SLC24A2: variants seen among roughly 807,000 people sequenced by gnomAD.
SLC24A2 encodes sodium/potassium/calcium exchanger 2.
In SLC24A2, 36 loss-of-function variants were observed where a neutral mutation model predicts 62.0. That is an observed-to-expected ratio of 0.58 (90% CI 0.44 to 0.77). The LOEUF (loss-of-function observed/expected upper bound fraction) is 0.77. Ranked by LOEUF, SLC24A2 falls within the 30% of genes least tolerant of loss-of-function variation. The probability of loss-of-function intolerance (pLI) is 0.00; values close to 1 mark genes in which losing one functional copy is unlikely to be tolerated. For missense variants in SLC24A2, 846 were observed against 817.9 expected (o/e 1.03, Z -0.42); for synonymous variants, 358 against 294.0 (o/e 1.22, Z -2.23).
chr9:20,076,880 T>TATATATATATATATATATATAC, the SLC24A2 span, among the ~76,000 whole-genome samples: 10 of 120,550 alleles, frequency 8.3e-5, no homozygotes, highest in African/African-American at 3.2e-4. Flanking sequence ...TATATATATA[T>TATATATATATATATATATATAC]ACATATCATA....
the SLC24A2 span, among the ~76,000 whole-genome samples, chr9:19,955,511 T>C: frequency 2.0e-4 from 31 of 152,104 alleles, no homozygotes; most frequent in Non-Finnish European, 4.4e-4. Context: ...AAGATCTCTC[T>C]ATGGAAAGGT....
At chr9:19,653,335 C>T (rs1345902585) in intron 2 of SLC24A2, among the ~76,000 whole-genome samples, 3 of 152,216 alleles carry the variant, frequency 2.0e-5, no homozygotes, top group Non-Finnish European at 2.9e-5. Context: ...AGTAGTAAGA[C>T]TGTCTTTTCC....
At chr9:19,878,986 T>C in the SLC24A2 span, among the ~76,000 whole-genome samples, 19 of 152,316 alleles carry the variant, frequency 1.2e-4, no homozygotes, top group African/African-American at 4.3e-4. Flanking sequence ...GTTGGACTTC[T>C]CTTTGGAGAC....
the SLC24A2 span, among the ~76,000 whole-genome samples, chr9:20,203,486 T>A: frequency 6.6e-6 from 1 of 152,318 alleles, no homozygotes; most frequent in East Asian, 1.9e-4. Flanking sequence ...AGGACTTGCA[T>A]GCATCAGAGG....
chr9:19,998,209 C>T, the SLC24A2 span, among the ~76,000 whole-genome samples: 2 of 152,220 alleles, frequency 1.3e-5, no homozygotes, highest in East Asian at 3.9e-4. Flanking sequence ...TTAGACATGG[C>T]AGGGCTAGGA....
intron 5 of SLC24A2, among the ~76,000 whole-genome samples, chr9:19,593,097 A>G (rs980052303): frequency 1.7e-4 from 26 of 152,244 alleles, no homozygotes; most frequent in African/African-American, 5.8e-4. Flanking sequence ...ACACATGAAC[A>G]TGGCAGTGGA....
chr9:20,306,377 T>G, the SLC24A2 span, among the ~76,000 whole-genome samples: 1 of 152,234 alleles, frequency 6.6e-6, no homozygotes, highest in African/African-American at 2.4e-5. Context: ...AGCAATTGAT[T>G]TGTCTCTACC....
At chr9:19,636,281 CT>C (rs768881798) in intron 2 of SLC24A2, among the ~76,000 whole-genome samples, 1 of 74,092 alleles carries the variant, frequency 1.3e-5, no homozygotes, top group East Asian at 2.9e-4. Context: ...TTCTTCTCTT[CT>C]TCTCTTCTTT....
chr9:19,988,675 G>C, the SLC24A2 span, among the ~76,000 whole-genome samples: 1 of 152,278 alleles, frequency 6.6e-6, no homozygotes, highest in South Asian at 2.1e-4. Context: ...GAAGGGACAG[G>C]GAATAGGCAA....
At chr9:19,888,367 T>C in the SLC24A2 span, among the ~76,000 whole-genome samples, 1 of 152,204 alleles carries the variant, frequency 6.6e-6, no homozygotes, top group African/African-American at 2.4e-5. Context: ...CTTTCTCTAA[T>C]TTTCTGACCC....
chr9:20,236,938 A>T, the SLC24A2 span, among the ~76,000 whole-genome samples: 2 of 151,978 alleles, frequency 1.3e-5, no homozygotes, highest in African/African-American at 2.4e-5. Flanking sequence ...TGGTTACAGC[A>T]AAACGTGACC....
At chr9:19,696,966 A>G (rs937000964) in intron 2 of SLC24A2, among the ~76,000 whole-genome samples, 1 of 152,304 alleles carries the variant, frequency 6.6e-6, no homozygotes. Flanking sequence ...ATAGATCCCA[A>G]TACATCATAT....
the SLC24A2 span, among the ~76,000 whole-genome samples, chr9:20,172,992 G>C: frequency 6.6e-6 from 1 of 152,070 alleles, no homozygotes; most frequent in Admixed American, 6.6e-5. Flanking sequence ...CCACGATCAA[G>C]TGGGTTTCAT....
At chr9:19,898,224 G>T in the SLC24A2 span, among the ~76,000 whole-genome samples, 1 of 152,306 alleles carries the variant, frequency 6.6e-6, no homozygotes, top group East Asian at 1.9e-4. Flanking sequence ...AGGGTCTGTG[G>T]ATGCTGGCAC....
chr9:19,561,841 C>G (rs1052948225), intron 7 of SLC24A2, among the ~76,000 whole-genome samples: 5 of 152,094 alleles, frequency 3.3e-5, no homozygotes, highest in Non-Finnish European at 4.4e-5. Context: ...TGGAAAAAAT[C>G]AAGAATTTGG....
At chr9:20,053,079 G>T in the SLC24A2 span, among the ~76,000 whole-genome samples, 3 of 152,198 alleles carry the variant, frequency 2.0e-5, no homozygotes, top group South Asian at 2.1e-4. Flanking sequence ...AATCAGGGAA[G>T]AGAGGTTTTC....
At chr9:19,621,337 C>A (rs1817903651) in intron 3 of SLC24A2, among the ~76,000 whole-genome samples, 1 of 152,152 alleles carries the variant, frequency 6.6e-6, no homozygotes, top group Admixed American at 6.5e-5. Flanking sequence ...GAGTCTGTAT[C>A]CGTGTTCTGG....
chr9:20,123,770 A>G, the SLC24A2 span, among the ~76,000 whole-genome samples: 1 of 152,188 alleles, frequency 6.6e-6, no homozygotes, highest in Non-Finnish European at 1.5e-5. Context: ...CTCCTTCTCT[A>G]AAAATAGCAT....
At chr9:19,571,316 T>A (rs1163443082) in intron 7 of SLC24A2, among the ~76,000 whole-genome samples, 1 of 152,200 alleles carries the variant, frequency 6.6e-6, no homozygotes, top group East Asian at 1.9e-4. Flanking sequence ...AGGCTCCTTA[T>A]TCTTTCTGTT....
Sources: gnomAD v4.1 joint callset for allele counts (sites outside exome capture counted in the v4.1 genomes callset) on GRCh38, gnomAD v4.1.1 for gene constraint, MANE v1.5 for transcripts, NCBI Gene and HGNC (gene_info 2026-07-23, HGNC 2026-07-21) for gene names.